Variants in PRKDC observed in about 807,000 individuals in gnomAD.
PRKDC encodes DNA-dependent protein kinase catalytic subunit.
PRKDC carries 82 observed loss-of-function variants against 486.9 expected under a neutral mutation model. The observed-to-expected ratio is 0.17, with a 90% CI of 0.14 to 0.20. PRKDC has a LOEUF of 0.20. Among genes scored for constraint, PRKDC ranks in the 10% least tolerant of loss-of-function variants. PRKDC has a pLI of 1.00. For synonymous variants in PRKDC, 1,895 were observed against 1,837.0 expected (o/e 1.03, Z -0.81); for missense variants, 4,504 against 5,038.2 (o/e 0.89, Z 3.21).
At chr8:47,802,503 A>G (rs1193385548) in intron 70 of PRKDC, among the ~76,000 whole-genome samples, 3 of 139,534 alleles carry the variant, frequency 2.2e-5, no homozygotes, top group African/African-American at 8.1e-5. Context: ...TTTTTGAGAG[A>G]CGGAGTTTTG....
chr8:47,831,889 T>G lies in PRKDC; in HGVS notation c.8190A>C (p.Arg2730Ser), dbSNP rs763385163. 6.2e-7 allele frequency: 1 copy of G among 1,613,824 alleles called. No homozygotes were observed. Among genetic ancestry groups the G allele is most frequent in the East Asian group, 2.2e-5 (1 of 44,880 alleles). Residue 2730 changes from arginine (R) to serine (S), a missense_variant, in exon 60 of 86, where the codon AGA becomes AGC. Arg to Ser is a moderately radical substitution (Grantham distance 110, BLOSUM62 -1). This residue lies in a region of PRKDC where 1,592 missense variants were observed against 1,724.6 expected (regional missense o/e 0.92). Coordinates refer to ENST00000314191, the MANE Select transcript of PRKDC (RefSeq NM_006904.7). ...GCTTCTCCTGGTCCCTCATAAACCG[T>G]CTGCGCAGTCGTAGTAGGTCCGTCC... is the stretch of plus-strand genomic sequence containing the variant. ...AGRTDLLRLR[R>S]RFMRDQEKLS...
At chr8:47,933,206 C>G in intron 15 of PRKDC, 34 bp from the exon 16 acceptor site, 1 of 1,427,666 alleles carries the variant, frequency 7.0e-7, no homozygotes, top group Non-Finnish European at 9.3e-7. Flanking sequence ...ACTTCAAAAT[C>G]TTGTGCAAAA....
At chr8:47,849,564 G>A in intron 52 of PRKDC, 61 bp from the exon 53 acceptor site, 1 of 1,560,296 alleles carries the variant, frequency 6.4e-7, no homozygotes, top group South Asian at 1.2e-5. Context: ...AGCATTGAAA[G>A]CAAAGTTTAT....
rs1182162669 is a variant in PRKDC at position 47,855,355 on chromosome 8, C to T, written c.6628G>A (p.Val2210Met). ...AAATTAAGCAATCGATTTGCTAACA[C>T]TTCATCTTTAGGGACCCCCTGAAAA... is the stretch of plus-strand genomic sequence containing the variant. Reference protein sequence around the residue: ...ATPTGVPKDEVLANRLLNFLM... With the variant: ...ATPTGVPKDEMLANRLLNFLM... Residue 2210 changes from valine (V) to methionine (M), a missense_variant, in exon 50 of 86, where the codon GTG (valine) becomes ATG (methionine). Around this residue, in one of 6 missense-constraint regions of PRKDC, gnomAD observed 1,592 missense variants for 1,724.6 expected, o/e 0.92. Transcript: ENST00000314191. 1 of 1,598,554 alleles carries T rather than the reference C, an allele frequency of 6.3e-7. No homozygotes were observed. The highest frequency in any genetic ancestry group is 8.5e-7 in the Non-Finnish European group (1 of 1,171,630).
chr8:47,886,142 C>T lies in PRKDC; in HGVS notation c.4578G>A (p.Glu1526=), dbSNP rs367604576. The T allele has an allele frequency of 6.9e-6, 11 of 1,591,276 alleles. No individual in the cohort carries two copies. Among genetic ancestry groups the T allele is most frequent in the Non-Finnish European group, 9.4e-6 (11 of 1,170,382 alleles). Residue 1526 remains glutamate (E), a synonymous_variant, in exon 36 of 86, where the codon GAG becomes GAA. Coordinates refer to ENST00000314191, the MANE Select transcript of PRKDC (RefSeq NM_006904.7). ...GGTTCAGGAGAAGACTCACAAGGCG[C>T]TCACACTGGGAAAAAGAAAGGAGAA... The part of the protein sequence containing the change: ...ELAFAFGGLC[E]RLVSLLLNPA...
chr8:47,786,232 G>A (rs1563733440), intron 76 of PRKDC, among the ~76,000 whole-genome samples: 1 of 151,862 alleles, frequency 6.6e-6, no homozygotes, highest in Non-Finnish European at 1.5e-5. Flanking sequence ...CCAATATGGT[G>A]AAACCCCATC....
At chr8:47,818,578 CA>C (rs1174698261) in intron 67 of PRKDC, among the ~76,000 whole-genome samples, 8,754 of 36,272 alleles carry the variant, frequency 0.24, 144 homozygotes, top group African/African-American at 0.37. Context: ...GACTCCGTCT[CA>C]AAAAAAAAAA....
At chr8:47,895,209 G>GA (rs1209261802) in intron 30 of PRKDC, among the ~76,000 whole-genome samples, 2 of 151,730 alleles carry the variant, frequency 1.3e-5, no homozygotes, top group Non-Finnish European at 2.9e-5. Context: ...AACTGAAAAG[G>GA]AAAAAAATAA....
At chr8:47,892,225 G>A (rs530628609) in intron 31 of PRKDC, among the ~76,000 whole-genome samples, 8 of 152,014 alleles carry the variant, frequency 5.3e-5, no homozygotes, top group South Asian at 2.1e-4. Context: ...AATTCCAACC[G>A]CATAATTTTA....
intron 40 of PRKDC, among the ~76,000 whole-genome samples, chr8:47,870,389 GTC>G (rs894347800): frequency 5.9e-5 from 9 of 152,202 alleles, no homozygotes; most frequent in African/African-American, 2.2e-4. Context: ...GGAAACAAGA[GTC>G]TCTGCCTGGT....
Position 47,927,227 on chromosome 8 carries a change from G to C in PRKDC, c.2386C>G (p.Leu796Val). The change falls in exon 21 of 86, where the codon CTG becomes GTG. Residue 796 changes from leucine to valine, a missense_variant. This residue lies in a region of PRKDC where 1,969 missense variants were observed against 2,068.9 expected (regional missense o/e 0.95). Coordinates refer to ENST00000314191, the MANE Select transcript of PRKDC (RefSeq NM_006904.7). ...GCTGAAGTCTTCAGGTATCCATCCA[G>C]GCAGGGGAGAATGTCTTTGTAATAA... ...QPYYKDILPC[L>V]DGYLKTSALS... 1 of 1,613,742 alleles carries C rather than the reference G, an allele frequency of 6.2e-7. No individual in the cohort carries two copies. Among genetic ancestry groups the C allele is most frequent in the Non-Finnish European group, 8.5e-7 (1 of 1,179,772 alleles).
At chr8:47,803,183 C>T in intron 70 of PRKDC, 123 bp downstream of exon 70, 3 of 989,962 alleles carry the variant, frequency 3.0e-6, no homozygotes, top group Non-Finnish European at 4.3e-6. Context: ...GCTATATTCC[C>T]TGAAATTACT....
At chr8:47,917,487 TCATTC>T (rs1434240407) in intron 22 of PRKDC, among the ~76,000 whole-genome samples, 9 of 152,330 alleles carry the variant, frequency 5.9e-5, no homozygotes, top group Admixed American at 5.9e-4. Flanking sequence ...AATTCTTACT[TCATTC>T]CAAAAATAGC....
intron 47 of PRKDC, 64 bp downstream of exon 47, chr8:47,858,785 T>G: frequency 6.5e-7 from 1 of 1,541,056 alleles, no homozygotes; most frequent in Non-Finnish European, 8.7e-7. Context: ...CAATATTAAA[T>G]GTTCATTCTC....
intron 54 of PRKDC, 62 bp downstream of exon 54, chr8:47,849,092 T>C: frequency 6.4e-7 from 1 of 1,569,282 alleles, no homozygotes; most frequent in East Asian, 2.2e-5. Flanking sequence ...GTTGGAGACG[T>C]CTTAATAAAT....
At chr8:47,801,336 C>T (rs893049111) in intron 70 of PRKDC, among the ~76,000 whole-genome samples, 8 of 152,248 alleles carry the variant, frequency 5.3e-5, no homozygotes, top group African/African-American at 1.9e-4. Context: ...CCTCCCAAAG[C>T]ACTGAGATTA....
rs190792491 is a variant in PRKDC, at chr8:47,885,214, T to C, written c.4776+730A>G. The stretch of plus-strand genomic sequence containing the variant: ...TACTCAGGCTGGAGTGCAGTGGGCA[T>C]GATCTCAGCTCACTGCAACCTCCGC... On this transcript the variant is annotated intron_variant, in intron 36 of 85. Coordinates refer to ENST00000314191, the MANE Select transcript of PRKDC (RefSeq NM_006904.7). Among the ~76,000 whole-genome samples the C allele has an allele frequency of 1.8e-3, 281 of 152,266 alleles. 1 individual carries two copies. Among genetic ancestry groups the C allele is most frequent in the Admixed American group, 3.0e-3 (46 of 15,298 alleles).
At position 47,953,629 on chromosome 8, in the gene PRKDC, T is replaced by C. The variant is rs546088914; in HGVS notation, c.712A>G (p.Met238Val). 1.4e-4 allele frequency: 223 copies of C among 1,612,632 alleles called. No homozygotes were observed. The highest frequency in any genetic ancestry group is 1.7e-4 in the Admixed American group (10 of 59,866). ...TGAAGCCAAGCAATACCTTCTTCCATGGACTTAGTGAAGTTGCACAGAAGT... is the reference window on the plus strand; with the variant it reads ...TGAAGCCAAGCAATACCTTCTTCCACGGACTTAGTGAAGTTGCACAGAAGT... ...SSLLCNFTKS[M>V]EEDPQTSREI... The change falls in exon 7 of 86, where the codon ATG becomes GTG. Residue 238 changes from methionine (M) to valine (V), a missense_variant. Transcript: ENST00000314191.
intron 21 of PRKDC, among the ~76,000 whole-genome samples, chr8:47,919,956 C>T (rs959755808): frequency 1.3e-5 from 2 of 152,056 alleles, no homozygotes; most frequent in African/African-American, 4.8e-5. Flanking sequence ...CCTGACCCAC[C>T]CAGGGCAGAA....
Sources: allele counts gnomAD v4.1 joint callset (sites outside exome capture counted in the v4.1 genomes callset), GRCh38; gene constraint gnomAD v4.1.1; regional missense constraint gnomAD v4.1.1; transcripts MANE v1.5; gene names NCBI Gene and HGNC (gene_info 2026-07-23, HGNC 2026-07-21).